Variants in CHRM3 observed in about 807,000 individuals in gnomAD.
The protein encoded by CHRM3 is cholinergic receptor muscarinic 3, also known as muscarinic acetylcholine receptor M3.
A neutral mutation model predicts 41.8 loss-of-function variants in CHRM3; 11 were observed. The ratio of observed to expected loss-of-function variants is 0.26; its 90% CI spans 0.17 to 0.44. The LOEUF (loss-of-function observed/expected upper bound fraction) is 0.44. CHRM3 is among the 20% of genes least tolerant of loss of function. The pLI is 1.00. For synonymous variants in CHRM3, 297 were observed against 301.4 expected (o/e 0.99, Z 0.15); for missense variants, 571 against 745.4 (o/e 0.77, Z 2.72).
chr1:239,408,533 A>AAAC (rs1281778516), intron 1 of CHRM3, among the ~76,000 whole-genome samples: 5 of 151,192 alleles, frequency 3.3e-5, no homozygotes, highest in Admixed American at 6.6e-5. Context: ...AAAAAAAAAA[A>AAAC]AAAAAAAAAA....
In CHRM3 at chr1:239,649,895, G is replaced by A. The variant is rs534201579; in HGVS notation, c.-250+17609G>A. 3.0e-4 allele frequency among the ~76,000 whole-genome samples: 45 copies of A among 152,262 alleles called. No homozygotes were observed. The South Asian group carries it at 8.9e-3, about 30-fold the overall frequency. ...CTAACTACAAGGTACTAGGCAGCAG[G>A]GCACTGTGTTCCATCCAATTAAAAT... is the stretch of plus-strand genomic sequence containing the variant. On this transcript the variant is annotated intron_variant, in intron 4 of 6. Transcript: ENST00000676153.
chr1:239,881,230 C>A (rs1442403047), intron 6 of CHRM3, among the ~76,000 whole-genome samples: 1 of 130,252 alleles, frequency 7.7e-6, no homozygotes, highest in Non-Finnish European at 1.5e-5. Context: ...TTGCAGTGAG[C>A]CGAGATCCCG....
At chr1:239,847,739 C>T (rs1558175886) in intron 6 of CHRM3, among the ~76,000 whole-genome samples, 1 of 151,994 alleles carries the variant, frequency 6.6e-6, no homozygotes, top group Non-Finnish European at 1.5e-5. Context: ...CATATACACA[C>T]ACACAGACAC....
At chr1:239,407,920 T>C (rs988081877) in intron 1 of CHRM3, among the ~76,000 whole-genome samples, 3 of 152,152 alleles carry the variant, frequency 2.0e-5, no homozygotes, top group African/African-American at 7.2e-5. Context: ...AATTTGGAAT[T>C]CTAAAGCATA....
intron 6 of CHRM3, among the ~76,000 whole-genome samples, chr1:239,839,271 C>G (rs147579092): frequency 0.011 from 1,611 of 152,312 alleles, 21 homozygotes; most frequent in South Asian, 0.022. Context: ...GCCTCTCGAT[C>G]TATATCATCA....
chr1:239,776,530 A>G (rs1156290890), intron 5 of CHRM3, among the ~76,000 whole-genome samples: 1 of 152,198 alleles, frequency 6.6e-6, no homozygotes, highest in Non-Finnish European at 1.5e-5. Context: ...GCAGATAGTG[A>G]ACCTTTCAAA....
chr1:239,901,211 C>T (rs150344217), intron 6 of CHRM3, among the ~76,000 whole-genome samples: 4 of 152,258 alleles, frequency 2.6e-5, no homozygotes, highest in South Asian at 2.1e-4. Flanking sequence ...CAACCTTCTC[C>T]GCATTTAAAA....
rs191266708 is a variant in CHRM3, at chr1:239,590,724, T to G, written c.-312-41500T>G. On this transcript the variant is annotated intron_variant, in intron 3 of 6. Coordinates refer to ENST00000676153, the MANE Select transcript of CHRM3 (RefSeq NM_001375978.1). Reference sequence around the variant, plus strand: ...ATAGAAAACATCTGATTGGTATCCCTTATTTAGCAATCTGAATTTTTGGCA... The same window carrying G: ...ATAGAAAACATCTGATTGGTATCCCGTATTTAGCAATCTGAATTTTTGGCA... Among the ~76,000 whole-genome samples the G allele has an allele frequency of 4.1e-3, 617 of 152,292 alleles. 2 individuals are homozygous for G. The highest frequency in any genetic ancestry group is 6.1e-3 in the Non-Finnish European group (413 of 68,022).
chr1:239,832,655 C>T (rs112336145), intron 6 of CHRM3, among the ~76,000 whole-genome samples: 2,589 of 151,892 alleles, frequency 0.017, 80 homozygotes, highest in African/African-American at 0.06. Flanking sequence ...GACAGAGTAA[C>T]GCATTTCCGA....
chr1:239,389,682 A>G lies in CHRM3; in HGVS notation c.-521+2455A>G, dbSNP rs1009251576. Among the ~76,000 whole-genome samples, 16 of 152,316 alleles carry G rather than the reference A, an allele frequency of 1.1e-4. No homozygotes were observed. The Middle Eastern group carries it at 0.01, about 97-fold the overall frequency. On this transcript the variant is annotated intron_variant, in intron 1 of 6. Transcript: ENST00000676153. The stretch of plus-strand genomic sequence containing the variant: ...AGTTAAACGATATGGTTAAAAGCAA[A>G]GTTGCCTTATGTATTTGTAAATTAT...
chr1:239,521,760 C>T (rs372855832), intron 2 of CHRM3, among the ~76,000 whole-genome samples: 3 of 151,928 alleles, frequency 2.0e-5, no homozygotes, highest in Non-Finnish European at 4.4e-5. Context: ...TAAAAAAAAC[C>T]GCAACAAAAT....
chr1:239,688,516 C>A (rs1234761558), intron 5 of CHRM3, among the ~76,000 whole-genome samples: 1 of 135,772 alleles, frequency 7.4e-6, no homozygotes, highest in Admixed American at 8.0e-5. Context: ...ATGTTTAATA[C>A]AATATATAAT....
intron 2 of CHRM3, among the ~76,000 whole-genome samples, chr1:239,531,580 A>G (rs1352670754): frequency 6.6e-6 from 1 of 151,080 alleles, no homozygotes; most frequent in Non-Finnish European, 1.5e-5. Context: ...TAAACTAGGT[A>G]AACAAAAATC....
chr1:239,629,818 C>A (rs1053619227), intron 3 of CHRM3, among the ~76,000 whole-genome samples: 15 of 152,088 alleles, frequency 9.9e-5, no homozygotes, highest in African/African-American at 3.6e-4. Flanking sequence ...CATAATTATT[C>A]TGTCTCTAGT....
chr1:239,840,438 T>A (rs1263851157), intron 6 of CHRM3, among the ~76,000 whole-genome samples: 1 of 152,178 alleles, frequency 6.6e-6, no homozygotes, highest in Non-Finnish European at 1.5e-5. Flanking sequence ...GCAATTCCAG[T>A]TTAACTCCTA....
Position 239,909,291 on chromosome 1 carries a change from G to T in CHRM3, c.*67G>T. 3.4e-6 allele frequency: 5 copies of T among 1,490,828 alleles called. No individual in the cohort carries two copies. Among genetic ancestry groups the T allele is most frequent in the Non-Finnish European group, 3.6e-6 (4 of 1,110,146 alleles). The allele number at this position is 1,490,828 out of a possible 1,614,324, so 92.3% of individuals were successfully genotyped here. A position where few individuals can be genotyped will look rare whatever the true frequency, so the allele number is the denominator to read the frequency against. On this transcript the variant is annotated 3_prime_UTR_variant, in exon 7 of 7. Coordinates refer to ENST00000676153, the MANE Select transcript of CHRM3 (RefSeq NM_001375978.1). Reference sequence around the variant, plus strand: ...ACCCACAGACCTTAGGAGGAGGAAGGCGAGGGCGGGGTGACTTCTGGTGAT... The same window carrying T: ...ACCCACAGACCTTAGGAGGAGGAAGTCGAGGGCGGGGTGACTTCTGGTGAT...
intron 3 of CHRM3, among the ~76,000 whole-genome samples, chr1:239,568,482 G>A (rs531455202): frequency 6.6e-6 from 1 of 152,152 alleles, no homozygotes; most frequent in South Asian, 2.1e-4. Context: ...GTGGAACTAT[G>A]AGTCTATTAA....
intron 5 of CHRM3, among the ~76,000 whole-genome samples, chr1:239,723,001 A>G (rs961564015): frequency 6.6e-6 from 1 of 151,946 alleles, no homozygotes; most frequent in East Asian, 1.9e-4. Context: ...TGATGCATAT[A>G]TTGTACCTAG....
intron 1 of CHRM3, among the ~76,000 whole-genome samples, chr1:239,442,822 C>A (rs572622412): frequency 6.6e-6 from 1 of 152,128 alleles, no homozygotes; most frequent in Non-Finnish European, 1.5e-5. Context: ...GCTCAAGTAG[C>A]GTCTTTTCTG....
Sources: gnomAD v4.1 joint callset for allele counts (sites outside exome capture counted in the v4.1 genomes callset) on GRCh38, gnomAD v4.1.1 for gene constraint, MANE v1.5 for transcripts, NCBI Gene and HGNC (gene_info 2026-07-23, HGNC 2026-07-21) for gene names.